Variants in SYT16 observed in about 807,000 individuals in gnomAD.
SYT16 encodes the protein synaptotagmin 16.
In SYT16, 42 loss-of-function variants were observed where a neutral mutation model predicts 61.4. The ratio of observed to expected loss-of-function variants is 0.68; its 90% CI spans 0.53 to 0.89. SYT16 has a LOEUF of 0.89. Ranked by LOEUF, SYT16 falls within the 40% of genes least tolerant of loss-of-function variation. The probability of loss-of-function intolerance (pLI) is 0.00; values close to 1 mark genes in which losing one functional copy is unlikely to be tolerated. For synonymous variants in SYT16, 314 were observed against 302.3 expected, an observed-to-expected ratio of 1.04 and a Z score of -0.40; for missense variants, 804 against 807.3, an observed-to-expected ratio of 1.00 and a Z score of 0.05.
intron 1 of SYT16, among the ~76,000 whole-genome samples, chr14:61,858,947 T>C (rs780587466): frequency 1.1e-4 from 16 of 151,402 alleles, no homozygotes; most frequent in South Asian, 2.1e-4. Flanking sequence ...CTCCGCCTCC[T>C]GGGTTCACGC....
chr14:61,835,998 A>G (rs2046116225), intron 1 of SYT16, among the ~76,000 whole-genome samples: 1 of 152,144 alleles, frequency 6.6e-6, no homozygotes, highest in African/African-American at 2.4e-5. Context: ...CATCACCGGG[A>G]ACTTGTTAGA....
At chr14:61,961,972 T>C (rs1290063404) in intron 1 of SYT16, among the ~76,000 whole-genome samples, 1 of 152,134 alleles carries the variant, frequency 6.6e-6, no homozygotes, top group African/African-American at 2.4e-5. Flanking sequence ...TGCAGCAACA[T>C]GGATGGAGCT....
At chr14:62,031,275 C>T (rs1393159689) in intron 3 of SYT16, among the ~76,000 whole-genome samples, 1 of 152,138 alleles carries the variant, frequency 6.6e-6, no homozygotes, top group African/African-American at 2.4e-5. Context: ...AAGAGACTTG[C>T]CAATCTGGAT....
intron 4 of SYT16, among the ~76,000 whole-genome samples, chr14:62,073,425 T>C (rs932860936): frequency 3.3e-5 from 5 of 152,206 alleles, no homozygotes; most frequent in South Asian, 2.1e-4. Context: ...AAGAAAATCC[T>C]GCTTTATGTT....
rs1043003266 is a variant in SYT16 at position 62,068,003 on chromosome 14, T to A, written c.524-1600T>A. Among the ~76,000 whole-genome samples the A allele has an allele frequency of 5.3e-5, 8 of 151,672 alleles. No homozygotes were observed. The East Asian group carries it at 9.7e-4, about 18-fold the overall frequency. On this transcript the variant is annotated intron_variant, in intron 3 of 7. Transcript: ENST00000683842. Reference sequence around the variant, plus strand: ...TCTGTCTCAAAGAAAAGAAAAAAAATTAATAATATACTACTATATGATCCA... The same window carrying A: ...TCTGTCTCAAAGAAAAGAAAAAAAAATAATAATATACTACTATATGATCCA...
intron 1 of SYT16, among the ~76,000 whole-genome samples, chr14:61,938,026 A>AACACATACACAC (rs2050052560): frequency 7.4e-6 from 1 of 135,666 alleles, no homozygotes; most frequent in Admixed American, 7.5e-5. Flanking sequence ...CCTACCCCGC[A>AACACATACACAC]ACACACACAC....
intron 1 of SYT16, among the ~76,000 whole-genome samples, chr14:61,903,019 A>G (rs2048577258): frequency 1.3e-5 from 2 of 152,198 alleles, no homozygotes; most frequent in Admixed American, 6.5e-5. Context: ...GTTTTTTACC[A>G]ACAATATTTG....
At chr14:61,938,531 T>C (rs1174730788) in intron 1 of SYT16, among the ~76,000 whole-genome samples, 2 of 152,122 alleles carry the variant, frequency 1.3e-5, no homozygotes, top group East Asian at 1.9e-4. Context: ...TCCAGGGCAA[T>C]GCGCTGAGGT....
At chr14:61,858,139 AAAAAG>A (rs1344761973) in intron 1 of SYT16, among the ~76,000 whole-genome samples, 2 of 148,884 alleles carry the variant, frequency 1.3e-5, no homozygotes, top group South Asian at 2.2e-4. Context: ...AAAAAAAAAA[AAAAAG>A]AAAGAAAAAA....
At chr14:61,962,932 T>G (rs895833597) in intron 1 of SYT16, among the ~76,000 whole-genome samples, 1 of 152,186 alleles carries the variant, frequency 6.6e-6, no homozygotes, top group Non-Finnish European at 1.5e-5. Context: ...TGTTTTCTTA[T>G]AGCTCACTGA....
At chr14:62,050,630 T>A (rs2140886619) in intron 3 of SYT16, among the ~76,000 whole-genome samples, 1 of 152,326 alleles carries the variant, frequency 6.6e-6, no homozygotes, top group Admixed American at 6.5e-5. Context: ...TTGATGATGG[T>A]GACGTACAGA....
At chr14:61,983,728 A>G (rs1324833682) in intron 2 of SYT16, among the ~76,000 whole-genome samples, 1 of 152,044 alleles carries the variant, frequency 6.6e-6, no homozygotes, top group Non-Finnish European at 1.5e-5. Context: ...GGGTCTCACT[A>G]TGTTGCCTAG....
chr14:62,041,787 G>C (rs1442800127), intron 3 of SYT16, among the ~76,000 whole-genome samples: 1 of 152,106 alleles, frequency 6.6e-6, no homozygotes, highest in Non-Finnish European at 1.5e-5. Context: ...TGTGCCACCT[G>C]AAATTGTCCC....
chr14:62,003,339 A>C (rs1490625585), intron 3 of SYT16, among the ~76,000 whole-genome samples: 1 of 151,880 alleles, frequency 6.6e-6, no homozygotes, highest in African/African-American at 2.4e-5. Flanking sequence ...AGTGGGCTTG[A>C]ATTTCCATTT....
At chr14:61,938,151 T>C (rs2140442031) in intron 1 of SYT16, among the ~76,000 whole-genome samples, 1 of 152,086 alleles carries the variant, frequency 6.6e-6, no homozygotes, top group Non-Finnish European at 1.5e-5. Flanking sequence ...ATAAAGAACT[T>C]TTTAAGAAAT....
At chr14:62,100,080 GC>G (rs1375357962) in intron 7 of SYT16, among the ~76,000 whole-genome samples, 2 of 152,180 alleles carry the variant, frequency 1.3e-5, no homozygotes, top group African/African-American at 4.8e-5. Flanking sequence ...AACTGTGCCT[GC>G]CCACAAGCAC....
rs1186002221 is a variant in SYT16 at position 62,107,781 on chromosome 14, T to TG, written c.*7079dup. ...AAAATAAATGGATATGTTTTGTATC[T>TG]GGGGGAGGAAATGCATCATTCCATT... On this transcript the variant is annotated 3_prime_UTR_variant, in exon 8 of 8. Coordinates refer to ENST00000683842, the MANE Select transcript of SYT16 (RefSeq NM_001367656.1). 6.6e-6 allele frequency: 1 copy of TG among 152,188 alleles called. No homozygotes were observed. Among genetic ancestry groups the TG allele is most frequent in the Admixed American group, 6.5e-5 (1 of 15,282 alleles). The allele number at this position is 152,188 out of a possible 1,614,324, so 9.4% of individuals were successfully genotyped here. A position where few individuals can be genotyped will look rare whatever the true frequency, so the allele number is the denominator to read the frequency against.
intron 1 of SYT16, among the ~76,000 whole-genome samples, chr14:61,924,209 T>C (rs1365757334): frequency 6.6e-6 from 1 of 152,200 alleles, no homozygotes; most frequent in East Asian, 1.9e-4. Context: ...TGGGGTTAAA[T>C]TGGGTGAAGT....
chr14:61,836,233 T>A (rs1172491567), intron 1 of SYT16, among the ~76,000 whole-genome samples: 1 of 152,204 alleles, frequency 6.6e-6, no homozygotes, highest in Non-Finnish European at 1.5e-5. Flanking sequence ...GGGGTTGATT[T>A]CTCATGGTAC....
Sources: gnomAD v4.1 joint callset for allele counts (sites outside exome capture counted in the v4.1 genomes callset) on GRCh38, gnomAD v4.1.1 for gene constraint, MANE v1.5 for transcripts, NCBI Gene and HGNC (gene_info 2026-07-23, HGNC 2026-07-21) for gene names.